Variants in EYA3 observed in about 807,000 individuals in gnomAD.
The protein encoded by EYA3 is EYA transcriptional coactivator and phosphatase 3.
Under a neutral mutation model 80.0 loss-of-function variants are expected in EYA3, and 39 were observed. The ratio of observed to expected loss-of-function variants is 0.49; its 90% CI spans 0.38 to 0.64. The LOEUF (loss-of-function observed/expected upper bound fraction) is 0.64. EYA3 is among the 30% of genes least tolerant of loss of function. The pLI is 0.00. For synonymous variants in EYA3, 206 were observed against 232.8 expected (o/e 0.88, Z 1.05); for missense variants, 523 against 676.1 (o/e 0.77, Z 2.51).
chr1:28,061,835 G>A (rs921705917), intron 1 of EYA3, among the ~76,000 whole-genome samples: 15 of 152,050 alleles, frequency 9.9e-5, no homozygotes, highest in African/African-American at 3.4e-4. Flanking sequence ...TCCTGACCTC[G>A]TGATCCGCCC....
chr1:27,996,211 G>A (rs1028309478), intron 13 of EYA3, among the ~76,000 whole-genome samples: 4 of 152,166 alleles, frequency 2.6e-5, no homozygotes, highest in Non-Finnish European at 4.4e-5. Context: ...GGAGTAATTT[G>A]TTGCATAGCA....
At chr1:27,977,959 A>G (rs1639047615) in intron 17 of EYA3, among the ~76,000 whole-genome samples, 1 of 152,234 alleles carries the variant, frequency 6.6e-6, no homozygotes, top group Non-Finnish European at 1.5e-5. Context: ...AAAGGCAGGA[A>G]AGACTTTCTC....
At chr1:28,018,726 T>C (rs1360289448) in intron 7 of EYA3, among the ~76,000 whole-genome samples, 1 of 152,198 alleles carries the variant, frequency 6.6e-6, no homozygotes, top group Non-Finnish European at 1.5e-5. Flanking sequence ...AGCTTTAAGA[T>C]GAAGAACCTA....
chr1:27,977,735 C>T (rs994751264), intron 17 of EYA3, among the ~76,000 whole-genome samples: 1 of 151,904 alleles, frequency 6.6e-6, no homozygotes, highest in African/African-American at 2.4e-5. Context: ...GTAGTCCCAG[C>T]CACTTGGGAG....
At chr1:28,059,238 G>A (rs1644533990) in intron 1 of EYA3, among the ~76,000 whole-genome samples, 1 of 152,188 alleles carries the variant, frequency 6.6e-6, no homozygotes, top group Non-Finnish European at 1.5e-5. Flanking sequence ...TAGATGCAAA[G>A]TTGTCCAACT....
Position 28,009,792 on chromosome 1 carries a change from TAGA to T in EYA3, c.909+1152_909+1154del, listed in dbSNP as rs1303758584. On this transcript the variant is annotated intron_variant, in intron 10 of 17. Coordinates refer to ENST00000373871, the MANE Select transcript of EYA3 (RefSeq NM_001990.4). This position sits in a 1 kb window ranked among gnomAD's most constrained non-coding sequence, Gnocchi z 4.8. ...AAGTAGAATAGAGGTTACCAGAGGT[TAGA>T]AGAAGGGGAGAATGGGGAGTTACTG... Among the ~76,000 whole-genome samples the T allele has an allele frequency of 6.6e-5, 10 of 152,238 alleles. No homozygotes were observed. Among genetic ancestry groups the T allele is most frequent in the Non-Finnish European group, 1.3e-4 (9 of 68,036 alleles).
chr1:28,061,418 C>T (rs1021793074), intron 1 of EYA3, among the ~76,000 whole-genome samples: 18 of 152,142 alleles, frequency 1.2e-4, no homozygotes, highest in Admixed American at 1.2e-3. Context: ...AGACTTCATA[C>T]CATTTTCCAC....
At chr1:28,080,898 C>A (rs1320330489) in intron 1 of EYA3, among the ~76,000 whole-genome samples, 1 of 151,974 alleles carries the variant, frequency 6.6e-6, no homozygotes, top group Non-Finnish European at 1.5e-5. Flanking sequence ...TTATAGGCGC[C>A]TGCCACCATG....
At chr1:28,007,841 C>G (rs1258239152) in intron 10 of EYA3, among the ~76,000 whole-genome samples, 3 of 152,082 alleles carry the variant, frequency 2.0e-5, no homozygotes, top group Non-Finnish European at 4.4e-5. Context: ...AAATTCAACG[C>G]AATCCCTATC....
rs960288051 is a variant in EYA3, at chr1:27,999,938, A to T, written c.1083+22T>A. 2.6e-6 allele frequency: 4 copies of T among 1,511,180 alleles called. No homozygotes were observed. The African/African-American group carries it at 5.5e-5, about 21-fold the overall frequency. The allele number at this position is 1,511,180 out of a possible 1,614,324, so 93.6% of individuals were successfully genotyped here. A position where few individuals can be genotyped will look rare whatever the true frequency, so the allele number is the denominator to read the frequency against. ...TGAATGAAGTGTCTCAGTGAAGCACAGAAACAATTTAAAATGCTTACCTCT... is the reference window on the plus strand; with the variant it reads ...TGAATGAAGTGTCTCAGTGAAGCACTGAAACAATTTAAAATGCTTACCTCT... On this transcript the variant is annotated intron_variant, in intron 12 of 17. Transcript: ENST00000373871.
chr1:28,029,431 AGCAGTATCT>A (rs1338275920), intron 6 of EYA3, among the ~76,000 whole-genome samples: 2 of 152,272 alleles, frequency 1.3e-5, no homozygotes, highest in Middle Eastern at 6.8e-3. Context: ...TGACTTCCTT[AGCAGTATCT>A]GCCTTTTAAT....
At chr1:28,023,164 G>A (rs962733572) in intron 7 of EYA3, among the ~76,000 whole-genome samples, 3 of 152,032 alleles carry the variant, frequency 2.0e-5, no homozygotes, top group Admixed American at 6.6e-5. Context: ...GCTCCCAGTG[G>A]CCAAACTGGA....
chr1:28,078,385 C>T (rs1266162273), intron 1 of EYA3, among the ~76,000 whole-genome samples: 1 of 152,188 alleles, frequency 6.6e-6, no homozygotes, highest in Non-Finnish European at 1.5e-5. Flanking sequence ...AAATGTCAAT[C>T]ATGCCCTGTT....
At chr1:28,034,333 T>G (rs1323574010) in intron 6 of EYA3, among the ~76,000 whole-genome samples, 1 of 152,118 alleles carries the variant, frequency 6.6e-6, no homozygotes, top group Non-Finnish European at 1.5e-5. Flanking sequence ...TAGCCTATTA[T>G]TAGTCAACTG....
chr1:27,999,388 C>A (rs1298912494), intron 12 of EYA3, among the ~76,000 whole-genome samples: 1 of 152,122 alleles, frequency 6.6e-6, no homozygotes, highest in East Asian at 1.9e-4. Flanking sequence ...AATGTCAAAG[C>A]CAAAAAATTT....
At position 27,991,542 on chromosome 1, in the gene EYA3, G is replaced by A. The variant is rs554152779; in HGVS notation, c.1304-1731C>T. On this transcript the variant is annotated intron_variant, in intron 14 of 17. Transcript: ENST00000373871. ...ACAGTGAAGGTTAAAAAAAAATCCT[G>A]TATTCTATTAGTAATACTCCATAAA... Among the ~76,000 whole-genome samples, 6 of 152,240 alleles carry A rather than the reference G, an allele frequency of 3.9e-5. No individual in the cohort carries two copies. In the East Asian group the frequency reaches 1.2e-3, roughly 29 times the overall value.
At chr1:28,028,468 C>T (rs1642917907) in intron 6 of EYA3, among the ~76,000 whole-genome samples, 1 of 152,008 alleles carries the variant, frequency 6.6e-6, no homozygotes, top group Admixed American at 6.6e-5. Context: ...AAATTAAAAA[C>T]ATTACAGAAA....
At chr1:28,082,276 T>A (rs1267390953) in intron 1 of EYA3, among the ~76,000 whole-genome samples, 1 of 152,098 alleles carries the variant, frequency 6.6e-6, no homozygotes, top group Non-Finnish European at 1.5e-5. Context: ...TTCAGAAAAA[T>A]AATATCATTA....
intron 10 of EYA3, 101 bp from the exon 11 acceptor site, chr1:28,004,520 T>A: frequency 1.2e-6 from 1 of 806,364 alleles, no homozygotes; most frequent in Non-Finnish European, 2.0e-6. Context: ...CATAAATATG[T>A]AGGAATTAAA....
Sources: allele counts gnomAD v4.1 joint callset (sites outside exome capture counted in the v4.1 genomes callset), GRCh38; gene constraint gnomAD v4.1.1; non-coding constraint Gnocchi (gnomAD v3.1); transcripts MANE v1.5; gene names NCBI Gene and HGNC (gene_info 2026-07-23, HGNC 2026-07-21).